Variants in HAVCR1 observed in about 807,000 individuals in gnomAD.
The protein encoded by HAVCR1 is T cell immunoglobin domain and mucin domain protein 1.
Under a neutral mutation model 32.0 loss-of-function variants are expected in HAVCR1, and 34 were observed. The observed-to-expected ratio is 1.06, with a 90% CI of 0.81 to 1.42. The LOEUF (loss-of-function observed/expected upper bound fraction) is 1.42, where lower values mean the gene tolerates loss of function less well. Among genes scored for constraint, HAVCR1 ranks in the 40% most tolerant of loss-of-function variants. The pLI, the probability that HAVCR1 is intolerant of heterozygous loss-of-function variation, is 0.00. For missense variants in HAVCR1, 420 were observed against 442.3 expected (o/e 0.95, Z 0.45); for synonymous variants, 178 against 170.3 (o/e 1.05, Z -0.35).
chr5:157,064,980 C>T, the HAVCR1 span, among the ~76,000 whole-genome samples: 5 of 152,186 alleles, frequency 3.3e-5, no homozygotes, highest in Non-Finnish European at 7.4e-5. Flanking sequence ...GTGGAGACTG[C>T]TGGAGTTCAG....
At chr5:157,044,637 G>GAAAA (rs758358415) in intron 5 of HAVCR1, among the ~76,000 whole-genome samples, 2 of 62,108 alleles carry the variant, frequency 3.2e-5, no homozygotes, top group South Asian at 1.8e-3. Flanking sequence ...AAGAAAGAAA[G>GAAAA]AAAGAAAGAA....
At chr5:157,030,280 A>G (rs1186596336) in intron 8 of HAVCR1, among the ~76,000 whole-genome samples, 3 of 152,220 alleles carry the variant, frequency 2.0e-5, no homozygotes, top group Non-Finnish European at 4.4e-5. Flanking sequence ...TTAGCCATCT[A>G]CATCCTATAT....
chr5:157,041,729 T>A (rs554174790), intron 6 of HAVCR1, among the ~76,000 whole-genome samples: 92 of 152,254 alleles, frequency 6.0e-4, no homozygotes, highest in African/African-American at 2.2e-3. Context: ...ATTGAATTCC[T>A]CCTTGGTGTG....
chr5:157,050,675 A>C (rs971944771), intron 4 of HAVCR1, among the ~76,000 whole-genome samples: 1 of 152,228 alleles, frequency 6.6e-6, no homozygotes, highest in African/African-American at 2.4e-5. Context: ...AAACCAGTCC[A>C]CTAATCCATC....
chr5:157,050,986 G>A (rs1474707352), intron 4 of HAVCR1, among the ~76,000 whole-genome samples: 1 of 152,124 alleles, frequency 6.6e-6, no homozygotes, highest in Non-Finnish European at 1.5e-5. Context: ...AGAATCCAGA[G>A]CCACCCTAAG....
chr5:157,044,508 G>GA (rs1223171563), intron 5 of HAVCR1, among the ~76,000 whole-genome samples: 4 of 112,844 alleles, frequency 3.5e-5, no homozygotes, highest in African/African-American at 7.3e-5. Flanking sequence ...AGGAAGGAAG[G>GA]AGGAAGGAAG....
chr5:157,065,452 C>G, the HAVCR1 span, among the ~76,000 whole-genome samples: 1 of 152,268 alleles, frequency 6.6e-6, no homozygotes, highest in Non-Finnish European at 1.5e-5. Flanking sequence ...AGCATGTTGA[C>G]TCATGCAGGT....
chr5:157,055,678 C>A, intron 2 of HAVCR1, 145 bp from the exon 3 acceptor site: 2 of 532,184 alleles, frequency 3.8e-6, no homozygotes, highest in South Asian at 3.4e-5. Context: ...CCAGCCTAGC[C>A]AACATGGCAA....
chr5:157,046,807 C>A (rs1298038979), intron 5 of HAVCR1, among the ~76,000 whole-genome samples: 4 of 152,106 alleles, frequency 2.6e-5, no homozygotes, highest in Admixed American at 6.6e-5. Flanking sequence ...TTGTTTCTCT[C>A]CCATCCAGAA....
In HAVCR1 at chr5:157,037,311, G is replaced by C. The variant is rs754171803; in HGVS notation, c.888C>G (p.Ile296Met). 68 of 1,605,864 alleles carry C rather than the reference G, an allele frequency of 4.2e-5. No individual in the cohort carries two copies. In the Middle Eastern group the frequency reaches 6.6e-4, roughly 16 times the overall value. ...AGACAGAAATACAGACTCCAGCATA[G>C]ATTCCTTTAGTGGTATTGGCCGTCA... is the stretch of plus-strand genomic sequence containing the variant. Reference protein sequence around the residue: ...SLLTANTTKGIYAGVCISVLV... With the variant: ...SLLTANTTKGMYAGVCISVLV... The change falls in exon 7 of 9, where the codon ATC becomes ATG. Residue 296 changes from isoleucine (I) to methionine (M), a missense_variant. Physicochemically the swap from Ile to Met is conservative, Grantham distance 10. Transcript: ENST00000523175.
intron 6 of HAVCR1, 99 bp from the exon 7 acceptor site, chr5:157,037,460 G>T (rs1294956264): frequency 1.5e-6 from 1 of 648,416 alleles, no homozygotes; most frequent in Admixed American, 2.7e-5. Context: ...TACCTGTATT[G>T]GTGCTTGGGG....
At position 157,052,370 on chromosome 5, in the gene HAVCR1, G is replaced by C. The variant is rs1755789488; in HGVS notation, c.664C>G (p.His222Asp). 1 of 1,614,046 alleles carries C rather than the reference G, an allele frequency of 6.2e-7. No homozygotes were observed. Among genetic ancestry groups the C allele is most frequent in the Non-Finnish European group, 8.5e-7 (1 of 1,179,882 alleles). ...VPPMPLPRQN[H>D]EPVATSPSSP... Reference sequence around the variant, plus strand: ...AACACATCTGTTTTACCTGGTTCATGGTTCTGCCTGGGCAAAGGCATTGGA... The same window carrying C: ...AACACATCTGTTTTACCTGGTTCATCGTTCTGCCTGGGCAAAGGCATTGGA... Residue 222 changes from histidine to aspartate, a missense_variant, in exon 4 of 9, where the codon CAT becomes GAT. His to Asp is a moderately conservative substitution (Grantham distance 81). Coordinates refer to ENST00000523175, the MANE Select transcript of HAVCR1 (RefSeq NM_001173393.3).
intron 1 of HAVCR1, chr5:157,058,268 CA>C: frequency 4.0e-6 from 1 of 247,484 alleles, no homozygotes; most frequent in Non-Finnish European, 7.8e-6. Context: ...GGGGAACAAA[CA>C]AAAAGGAAAC....
rs188810293 is a variant in HAVCR1, at chr5:157,048,431, C to G, written c.781+607G>C. ...ATGTTCTAAGGAATAATAATAATAGCTGCTATTATATTTATCACTTACCCC... is the reference window on the plus strand; with the variant it reads ...ATGTTCTAAGGAATAATAATAATAGGTGCTATTATATTTATCACTTACCCC... On this transcript the variant is annotated intron_variant, in intron 5 of 8. Coordinates refer to ENST00000523175, the MANE Select transcript of HAVCR1 (RefSeq NM_001173393.3). Among the ~76,000 whole-genome samples the G allele has an allele frequency of 2.0e-3, 304 of 152,278 alleles. 2 individuals are homozygous for G. The highest frequency in any genetic ancestry group is 6.4e-3 in the African/African-American group (266 of 41,544).
At chr5:157,062,485 A>G (rs1756509916), upstream of HAVCR1, among the ~76,000 whole-genome samples, 1 of 152,196 alleles carries the variant, frequency 6.6e-6, no homozygotes, top group Non-Finnish European at 1.5e-5. Context: ...GCCTCCTGCA[A>G]AACAGTTCAG....
intron 6 of HAVCR1, among the ~76,000 whole-genome samples, chr5:157,040,825 G>A (rs777380225): frequency 7.2e-5 from 11 of 152,178 alleles, no homozygotes; most frequent in African/African-American, 1.2e-4. Flanking sequence ...ACTTGAACCC[G>A]GAAGGTGGAG....
At chr5:157,060,735 T>C (rs1221973497), upstream of HAVCR1, among the ~76,000 whole-genome samples, 1 of 152,094 alleles carries the variant, frequency 6.6e-6, no homozygotes, top group African/African-American at 2.4e-5. Flanking sequence ...TACATAACTG[T>C]ACAATTCCAT....
chr5:157,057,415 GA>G (rs1756254649), intron 2 of HAVCR1, among the ~76,000 whole-genome samples: 2 of 130,812 alleles, frequency 1.5e-5, no homozygotes, highest in Non-Finnish European at 3.4e-5. Flanking sequence ...AAGAAAGAAA[GA>G]AAGAAAGAAA....
chr5:157,063,838 C>T (rs1388104930), upstream of HAVCR1, among the ~76,000 whole-genome samples: 2 of 152,144 alleles, frequency 1.3e-5, no homozygotes, highest in African/African-American at 4.8e-5. Context: ...AGACAAAGGA[C>T]AAGGAAGTTA....
Sources: gnomAD v4.1 joint callset for allele counts (sites outside exome capture counted in the v4.1 genomes callset) on GRCh38, gnomAD v4.1.1 for gene constraint, MANE v1.5 for transcripts, NCBI Gene and HGNC (gene_info 2026-07-23, HGNC 2026-07-21) for gene names.